The following CDC42BPA variants were observed in gnomAD, a reference collection of about 807,000 sequenced individuals.
The protein encoded by CDC42BPA is serine/threonine-protein kinase MRCK alpha.
Under a neutral mutation model 223.5 loss-of-function variants are expected in CDC42BPA, and 80 were observed. That is an observed-to-expected ratio of 0.36 (90% CI 0.30 to 0.43). The LOEUF (loss-of-function observed/expected upper bound fraction) is 0.43. Ranked by LOEUF, CDC42BPA falls within the 20% of genes least tolerant of loss-of-function variation. The pLI, the probability that CDC42BPA is intolerant of heterozygous loss-of-function variation, is 1.00. For missense variants in CDC42BPA, 1,743 were observed against 2,099.9 expected (o/e 0.83, Z 3.32); for synonymous variants, 694 against 718.6 (o/e 0.97, Z 0.55).
At chr1:227,303,198 T>C (rs960010623) in intron 1 of CDC42BPA, among the ~76,000 whole-genome samples, 2 of 152,216 alleles carry the variant, frequency 1.3e-5, no homozygotes, top group African/African-American at 4.8e-5. Flanking sequence ...TGAAACCCCC[T>C]GATAACAAAT....
intron 16 of CDC42BPA, among the ~76,000 whole-genome samples, chr1:227,087,709 G>GTAT (rs2149209065): frequency 6.6e-6 from 1 of 152,242 alleles, no homozygotes; most frequent in South Asian, 2.1e-4. Flanking sequence ...TATCTTAGCA[G>GTAT]TATTCTGTAG....
At chr1:227,306,634 G>T (rs530126224) in intron 1 of CDC42BPA, among the ~76,000 whole-genome samples, 2 of 152,306 alleles carry the variant, frequency 1.3e-5, no homozygotes, top group South Asian at 4.1e-4. Context: ...TCTATAAGTA[G>T]AGAGTATGGA....
rs1321200946 is a variant in CDC42BPA, at chr1:227,317,996, C to T, written c.-814G>A. ...GAAGGCGGGCTGCGGGCGGCACTGG[C>T]ACCGGGCTCCGGAGAAGCGGCTACT... On this transcript the variant is annotated 5_prime_UTR_variant, in exon 1 of 37. Coordinates refer to ENST00000366766, the MANE Select transcript of CDC42BPA (RefSeq NM_001394014.1). 2.6e-6 allele frequency: 1 copy of T among 389,146 alleles called. No homozygotes were observed. The allele number at this position is 389,146 out of a possible 1,614,324, so 24.1% of individuals were successfully genotyped here. A position where few individuals can be genotyped will look rare whatever the true frequency, so the allele number is the denominator to read the frequency against.
intron 2 of CDC42BPA, among the ~76,000 whole-genome samples, chr1:227,222,646 G>A (rs775261346): frequency 3.9e-5 from 6 of 152,230 alleles, no homozygotes; most frequent in African/African-American, 1.4e-4. Flanking sequence ...TAGACACACA[G>A]GCCTTGCTGG....
chr1:227,207,075 TC>T (rs1374244860), intron 3 of CDC42BPA, among the ~76,000 whole-genome samples: 4 of 84,952 alleles, frequency 4.7e-5, no homozygotes, highest in Admixed American at 4.3e-4. Context: ...ATGCTATCCC[TC>T]CCCCCTCCCC....
At chr1:227,212,105 T>TAA (rs1269746469) in intron 3 of CDC42BPA, among the ~76,000 whole-genome samples, 1 of 146,770 alleles carries the variant, frequency 6.8e-6, no homozygotes. Context: ...TTTTTTAGTT[T>TAA]AAAAAAAAAA....
chr1:227,097,947 A>G (rs1179549543), intron 15 of CDC42BPA, among the ~76,000 whole-genome samples: 2 of 152,142 alleles, frequency 1.3e-5, no homozygotes, highest in East Asian at 3.9e-4. Context: ...GAATCTCTCA[A>G]GTCACCCACT....
intron 16 of CDC42BPA, among the ~76,000 whole-genome samples, chr1:227,089,572 T>C (rs1410997440): frequency 6.6e-6 from 1 of 151,732 alleles, no homozygotes; most frequent in Non-Finnish European, 1.5e-5. Flanking sequence ...AATTTGCTCT[T>C]AAGGTGCTAC....
intron 5 of CDC42BPA, among the ~76,000 whole-genome samples, chr1:227,182,563 TATG>T (rs1293972323): frequency 1.3e-5 from 2 of 152,210 alleles, no homozygotes; most frequent in African/African-American, 2.4e-5. Flanking sequence ...AATGGTAACA[TATG>T]ATAACTGTAG....
intron 21 of CDC42BPA, among the ~76,000 whole-genome samples, chr1:227,054,013 A>G (rs554125479): frequency 5.3e-5 from 8 of 152,336 alleles, no homozygotes; most frequent in African/African-American, 1.9e-4. Flanking sequence ...TTATACCAGT[A>G]AGAACTTAAA....
chr1:227,164,869 C>T (rs1044317404), intron 5 of CDC42BPA, among the ~76,000 whole-genome samples: 3 of 152,178 alleles, frequency 2.0e-5, no homozygotes, highest in Admixed American at 1.3e-4. Context: ...CAAATCAATA[C>T]ATAGTCTTCT....
chr1:227,211,302 T>C (rs1367405353), intron 3 of CDC42BPA, among the ~76,000 whole-genome samples: 1 of 152,124 alleles, frequency 6.6e-6, no homozygotes, highest in Non-Finnish European at 1.5e-5. Flanking sequence ...GGAACAATTA[T>C]ACACTATTAG....
chr1:227,283,123 A>G (rs1688260715), intron 1 of CDC42BPA, among the ~76,000 whole-genome samples: 1 of 152,162 alleles, frequency 6.6e-6, no homozygotes, highest in South Asian at 2.1e-4. Context: ...CTATTATTCT[A>G]TTTTAGTGGC....
intron 16 of CDC42BPA, among the ~76,000 whole-genome samples, chr1:227,090,684 G>A (rs962827815): frequency 1.3e-5 from 2 of 152,100 alleles, no homozygotes; most frequent in Non-Finnish European, 2.9e-5. Flanking sequence ...GGTGGTGTGC[G>A]CCTGTAGTCC....
At chr1:227,305,136 T>C (rs946305628) in intron 1 of CDC42BPA, among the ~76,000 whole-genome samples, 1 of 152,136 alleles carries the variant, frequency 6.6e-6, no homozygotes, top group Non-Finnish European at 1.5e-5. Context: ...AGAAAATATA[T>C]GGGGATGACA....
chr1:227,132,841 G>A (rs1657500633), intron 10 of CDC42BPA, among the ~76,000 whole-genome samples: 2 of 150,604 alleles, frequency 1.3e-5, no homozygotes, highest in South Asian at 2.1e-4. Context: ...TGGGAGGTGA[G>A]GAGCGTCTCT....
intron 1 of CDC42BPA, among the ~76,000 whole-genome samples, chr1:227,304,445 T>C (rs1474425670): frequency 6.6e-6 from 1 of 151,920 alleles, no homozygotes; most frequent in Non-Finnish European, 1.5e-5. Flanking sequence ...AAACCACTTT[T>C]GAATTTTTAT....
At position 227,101,112 on chromosome 1, in the gene CDC42BPA, A is replaced by T; in HGVS notation, c.2129T>A (p.Ile710Lys). 1 of 1,577,850 alleles carries T rather than the reference A, an allele frequency of 6.3e-7. No individual in the cohort carries two copies. The highest frequency in any genetic ancestry group is 8.7e-7 in the Non-Finnish European group (1 of 1,147,770). The change falls in exon 15 of 37, where the codon ATA (isoleucine) becomes AAA (lysine). Residue 710 changes from isoleucine (I) to lysine (K), a missense_variant. Coordinates refer to ENST00000366766, the MANE Select transcript of CDC42BPA (RefSeq NM_001394014.1). ...YEEELSKREG[I>K]HANEIKNLKK... is the part of the protein sequence containing the mutation. ...AAGATTTTTTATTTCATTTGCATGT[A>T]TTCCTTCTCTTTTAGATAATTCTTC...
chr1:227,045,964 C>T (rs1672350968), intron 23 of CDC42BPA, among the ~76,000 whole-genome samples: 1 of 152,026 alleles, frequency 6.6e-6, no homozygotes, highest in Non-Finnish European at 1.5e-5. Flanking sequence ...CATCACCACG[C>T]CTGGCTAATT....
Sources: allele counts gnomAD v4.1 joint callset (sites outside exome capture counted in the v4.1 genomes callset), GRCh38; gene constraint gnomAD v4.1.1; transcripts MANE v1.5; gene names NCBI Gene and HGNC (gene_info 2026-07-23, HGNC 2026-07-21).